Variants in CSF3R observed in about 807,000 individuals in gnomAD.
CSF3R encodes the protein granulocyte colony-stimulating factor receptor.
CSF3R carries 52 observed loss-of-function variants against 84.4 expected under a neutral mutation model. The observed-to-expected ratio is 0.62, with a 90% CI of 0.49 to 0.78. The LOEUF (loss-of-function observed/expected upper bound fraction) is 0.78, where lower values mean the gene tolerates loss of function less well. CSF3R is among the 30% of genes least tolerant of loss of function. The pLI, the probability that CSF3R is intolerant of heterozygous loss-of-function variation, is 0.00. For synonymous variants in CSF3R, 384 were observed against 429.1 expected (o/e 0.89, Z 1.30); for missense variants, 890 against 1,055.7 (o/e 0.84, Z 2.17).
At chr1:36,479,101 C>T (rs1651359404) in intron 3 of CSF3R, 3 of 412,208 alleles carry the variant, frequency 7.3e-6, no homozygotes, top group Admixed American at 7.1e-5. Context: ...CCCCTTGTAG[C>T]TTCCATCCTG....
At position 36,466,867 on chromosome 1, in the gene CSF3R, A is replaced by G; in HGVS notation, c.2041-40T>C. ...GTGGGGTGAGAGCACGGCTCATTTC[A>G]GATGTCTGCCCCAGCCACTGTCCCT... On this transcript the variant is annotated intron_variant, in intron 16 of 16. Transcript: ENST00000373106. The surrounding 1 kb of genome is among the most constrained non-coding windows in gnomAD (Gnocchi z 4.6). 6.2e-7 allele frequency: 1 copy of G among 1,614,036 alleles called. No individual in the cohort carries two copies. The highest frequency in any genetic ancestry group is 1.1e-5 in the South Asian group (1 of 91,086).
Position 36,473,906 on chromosome 1 carries a change from A to C in CSF3R, c.362-19T>G, listed in dbSNP as rs1250482876. ...GGAGGGTCTGCATGTGGGTGGGAAG[A>C]GTGTGAGGGCTTTGGGTGGGACCAC... On this transcript the variant is annotated intron_variant, in intron 4 of 16. Transcript: ENST00000373106. 1 of 1,613,350 alleles carries C rather than the reference A, an allele frequency of 6.2e-7. No individual in the cohort carries two copies. The highest frequency in any genetic ancestry group is 1.3e-5 in the African/African-American group (1 of 74,884).
At chr1:36,470,903 C>T (rs1650673266) in intron 10 of CSF3R, among the ~76,000 whole-genome samples, 1 of 152,180 alleles carries the variant, frequency 6.6e-6, no homozygotes, top group African/African-American at 2.4e-5. Flanking sequence ...GTGCCAGGCA[C>T]TTGTCTTAAC....
rs375651066 is a variant in CSF3R, at chr1:36,467,671, G to T, written c.1865-20C>A. 17 of 1,613,646 alleles carry T rather than the reference G, an allele frequency of 1.1e-5. No individual in the cohort carries two copies. The highest frequency in any genetic ancestry group is 1.4e-5 in the Non-Finnish European group (17 of 1,179,668). Reference sequence around the variant, plus strand: ...ACCCCTCTGCAGTGAGGGCAGGGCCGGAAGAAGTTAGAATGCATGTTGGGA... The same window carrying T: ...ACCCCTCTGCAGTGAGGGCAGGGCCTGAAGAAGTTAGAATGCATGTTGGGA... On this transcript the variant is annotated intron_variant, in intron 14 of 16. Coordinates refer to ENST00000373106, the MANE Select transcript of CSF3R (RefSeq NM_000760.4). The surrounding 1 kb of genome is among the most constrained non-coding windows in gnomAD (Gnocchi z 4.1).
chr1:36,467,524 G>T lies in CSF3R; in HGVS notation c.1958+34C>A. ...GACCTGAGGTTCCCTGTGGGTGGGG[G>T]AAGCAGGATCTCAGGTCTCTCAAAG... On this transcript the variant is annotated intron_variant, in intron 15 of 16. Transcript: ENST00000373106. This position sits in a 1 kb window ranked among gnomAD's most constrained non-coding sequence, Gnocchi z 4.1. The T allele has an allele frequency of 6.3e-7, 1 of 1,596,208 alleles. No homozygotes were observed. The highest frequency in any genetic ancestry group is 1.1e-5 in the South Asian group (1 of 90,468).
At chr1:36,469,502 T>G (rs1272482442) in intron 11 of CSF3R, 150 bp downstream of exon 11, 4 of 996,720 alleles carry the variant, frequency 4.0e-6, no homozygotes, top group Non-Finnish European at 6.2e-6. Flanking sequence ...ACTTCCTGAT[T>G]ATGAGGATAT....
chr1:36,473,563 C>A lies in CSF3R; in HGVS notation c.545G>T (p.Gly182Val). The change falls in exon 6 of 17, where the codon GGG becomes GTG. Residue 182 changes from glycine (G) to valine (V), a missense_variant. By Grantham distance (109) the Gly-to-Val change is moderately radical (BLOSUM62 -3). Transcript: ENST00000373106. ...GCGTGGGATGCAGCAGTGGCTCTGCCCGTCCTTGGGCACGCAGTCCAGGAT... is the reference window on the plus strand; with the variant it reads ...GCGTGGGATGCAGCAGTGGCTCTGCACGTCCTTGGGCACGCAGTCCAGGAT... Reference protein sequence around the residue: ...DSILDCVPKDGQSHCCIPRKH... With the variant: ...DSILDCVPKDVQSHCCIPRKH... 1 of 1,614,160 alleles carries A rather than the reference C, an allele frequency of 6.2e-7. No individual in the cohort carries two copies. Among genetic ancestry groups the A allele is most frequent in the Non-Finnish European group, 8.5e-7 (1 of 1,180,048 alleles).
In CSF3R at chr1:36,475,508, C is replaced by T. The variant is rs761404285; in HGVS notation, c.230G>A (p.Arg77His). The T allele has an allele frequency of 2.7e-5, 44 of 1,614,006 alleles. No individual in the cohort carries two copies. The highest frequency in any genetic ancestry group is 5.0e-5 in the Admixed American group (3 of 60,002). The change falls in exon 4 of 17, where the codon CGT (arginine) becomes CAT (histidine). Residue 77 changes from arginine (R) to histidine (H), a missense_variant. Transcript: ENST00000373106. ...AELQPGGRQQ[R>H]LSDGTQESII... Reference sequence around the variant, plus strand: ...AGATTCCTGGGTCCCATCAGACAGACGCTGCTGCCTGCCCCCGGGCTGAAG... The same window carrying T: ...AGATTCCTGGGTCCCATCAGACAGATGCTGCTGCCTGCCCCCGGGCTGAAG...
chr1:36,475,386 G>A lies in CSF3R; in HGVS notation c.352C>T (p.Arg118Cys), dbSNP rs928090621. The A allele has an allele frequency of 5.0e-6, 8 of 1,613,848 alleles. No homozygotes were observed. Among genetic ancestry groups the A allele is most frequent in the African/African-American group, 2.7e-5 (2 of 75,044 alleles). ...SLQILDQVEL[R>C]AGYPPAIPHN... The stretch of plus-strand genomic sequence containing the variant: ...GGCTGGAAGGACTTACAGCCTGCGC[G>A]CAGCTCAACCTGGTCCAGGATCTGC... The change falls in exon 4 of 17, where the codon CGC becomes TGC. Residue 118 changes from arginine to cysteine, a missense_variant. Coordinates refer to ENST00000373106, the MANE Select transcript of CSF3R (RefSeq NM_000760.4).
chr1:36,466,981 C>A lies in CSF3R; in HGVS notation c.2041-154G>T. 6.4e-7 allele frequency: 1 copy of A among 1,565,700 alleles called. No individual in the cohort carries two copies. The highest frequency in any genetic ancestry group is 2.3e-5 in the East Asian group (1 of 44,238). Reference sequence around the variant, plus strand: ...ACTTGCAAAGCACTAGTATGTTCCTCACACATGCCTGACACATGCCATGCA... The same window carrying A: ...ACTTGCAAAGCACTAGTATGTTCCTAACACATGCCTGACACATGCCATGCA... On this transcript the variant is annotated intron_variant, in intron 16 of 16. Coordinates refer to ENST00000373106, the MANE Select transcript of CSF3R (RefSeq NM_000760.4). This position sits in a 1 kb window ranked among gnomAD's most constrained non-coding sequence, Gnocchi z 4.6.
At chr1:36,471,737 C>A in intron 9 of CSF3R, 91 bp from the exon 10 acceptor site, 1 of 1,311,804 alleles carries the variant, frequency 7.6e-7, no homozygotes, top group Admixed American at 1.8e-5. Context: ...ATCATACAAA[C>A]GGAGCCTCCC....
intron 3 of CSF3R, chr1:36,477,781 G>A (rs1328797811): frequency 1.3e-5 from 2 of 148,850 alleles, no homozygotes; most frequent in East Asian, 4.0e-4. Context: ...TTTTTTTTGA[G>A]ACGGAGTCAC....
At position 36,479,437 on chromosome 1, in the gene CSF3R, G is replaced by C; in HGVS notation, c.60C>G (p.Pro20=). The change falls in exon 3 of 17, where the codon CCC becomes CCG. Residue 20 remains proline, a synonymous_variant. Coordinates refer to ENST00000373106, the MANE Select transcript of CSF3R (RefSeq NM_000760.4). ...CTCATCCTTGGCCATACTCACTTCC[G>C]GGGAGCAGCAGGATGATCAGGGCAG... The part of the protein sequence containing the change: ...TWAALIILLL[P]GSLEECGHIS... The C allele has an allele frequency of 1.2e-6, 2 of 1,614,098 alleles. No homozygotes were observed. The highest frequency in any genetic ancestry group is 1.7e-6 in the Non-Finnish European group (2 of 1,180,000).
At chr1:36,479,800 A>G (rs1422643949) in intron 2 of CSF3R, among the ~76,000 whole-genome samples, 5 of 152,210 alleles carry the variant, frequency 3.3e-5, no homozygotes, top group African/African-American at 1.2e-4. Context: ...AGGAGCAGTG[A>G]GGAAGAGCAT....
rs1202992752 is a variant in CSF3R, at chr1:36,473,588, T to C, written c.520A>G (p.Ile174Val). Reference protein sequence around the residue: ...RGNCQTQGDSILDCVPKDGQS... With the variant: ...RGNCQTQGDSVLDCVPKDGQS... Reference sequence around the variant, plus strand: ...CCGTCCTTGGGCACGCAGTCCAGGATGGAGTCCCCTTGGGTCTGACAGTTG... The same window carrying C: ...CCGTCCTTGGGCACGCAGTCCAGGACGGAGTCCCCTTGGGTCTGACAGTTG... Residue 174 changes from isoleucine to valine, a missense_variant, in exon 6 of 17, where the codon ATC becomes GTC. Physicochemically the swap from Ile to Val is conservative, Grantham distance 29 (BLOSUM62 3). Coordinates refer to ENST00000373106, the MANE Select transcript of CSF3R (RefSeq NM_000760.4). The C allele has an allele frequency of 6.2e-7, 1 of 1,614,152 alleles. No individual in the cohort carries two copies. Among genetic ancestry groups the C allele is most frequent in the Admixed American group, 1.7e-5 (1 of 60,026 alleles).
In CSF3R at chr1:36,471,627, TCTTCCTCCA is replaced by T; in HGVS notation, c.1082_1090del (p.Leu361_Asp364delinsHis). Reference sequence around the variant, plus strand: ...CACATAACCTTGGATCCGTCCGCTGTCTTCCTCCAGGGGCACTGGCTGTGGGGCACAGGA... The same window carrying T: ...CACATAACCTTGGATCCGTCCGCTGTGGGGCACTGGCTGTGGGGCACAGGA... On this transcript the variant is annotated inframe_deletion, in exon 10 of 17. Coordinates refer to ENST00000373106, the MANE Select transcript of CSF3R (RefSeq NM_000760.4). The T allele has an allele frequency of 6.2e-7, 1 of 1,614,172 alleles. No homozygotes were observed. The highest frequency in any genetic ancestry group is 8.5e-7 in the Non-Finnish European group (1 of 1,180,016).
intron 9 of CSF3R, 32 bp from the exon 10 acceptor site, chr1:36,471,678 A>C: frequency 1.2e-6 from 2 of 1,607,148 alleles, no homozygotes; most frequent in Non-Finnish European, 1.7e-6. Flanking sequence ...AGAGAAGGGG[A>C]TGTGCAGCTC....
Position 36,472,430 on chromosome 1 carries a change from T to TGGGCCATTCTA in CSF3R, c.844-50_844-40dup. The TGGGCCATTCTA allele has an allele frequency of 6.2e-7, 1 of 1,613,798 alleles. No individual in the cohort carries two copies. On this transcript the variant is annotated intron_variant, in intron 7 of 16. Coordinates refer to ENST00000373106, the MANE Select transcript of CSF3R (RefSeq NM_000760.4). This position sits in a 1 kb window ranked among gnomAD's most constrained non-coding sequence, Gnocchi z 5.0. Reference sequence around the variant, plus strand: ...GACAGGACTCTGAGCCTTGGATCGCTGGGCCATTCTAGGGCCAGCTCGAGC... The same window carrying TGGGCCATTCTA: ...GACAGGACTCTGAGCCTTGGATCGCTGGGCCATTCTAGGGCCATTCTAGGGCCAGCTCGAGC...
At position 36,467,184 on chromosome 1, in the gene CSF3R, G is replaced by C; in HGVS notation, c.2040+46C>G. 6.3e-7 allele frequency: 1 copy of C among 1,593,244 alleles called. No individual in the cohort carries two copies. The highest frequency in any genetic ancestry group is 8.6e-7 in the Non-Finnish European group (1 of 1,160,984). ...CAGAAGGTGTCCCTTCACTGAGCCT[G>C]GGCCGACATCCCCATCTCATTTCCC... On this transcript the variant is annotated intron_variant, in intron 16 of 16. Transcript: ENST00000373106. The surrounding 1 kb of genome is among the most constrained non-coding windows in gnomAD (Gnocchi z 4.1).
Sources: gnomAD v4.1 joint callset for allele counts (sites outside exome capture counted in the v4.1 genomes callset) on GRCh38, gnomAD v4.1.1 for gene constraint, Gnocchi (gnomAD v3.1) non-coding constraint, MANE v1.5 for transcripts, NCBI Gene and HGNC (gene_info 2026-07-23, HGNC 2026-07-21) for gene names.